The following UPF1 variants were observed in gnomAD, a reference collection of about 807,000 sequenced individuals.
The protein encoded by UPF1 is UPF1 RNA helicase and ATPase, also known as regulator of nonsense transcripts 1.
In UPF1, 9 loss-of-function variants were observed where a neutral mutation model predicts 129.2. The ratio of observed to expected loss-of-function variants is 0.07; its 90% CI spans 0.04 to 0.12. The LOEUF is 0.12. Among genes scored for constraint, UPF1 ranks in the 10% least tolerant of loss-of-function variants. The pLI is 1.00. For synonymous variants in UPF1, 649 were observed against 644.9 expected, an observed-to-expected ratio of 1.01 and a Z score of -0.10; for missense variants, 788 against 1,525.3, an observed-to-expected ratio of 0.52 and a Z score of 8.05.
Position 18,865,845 on chromosome 19 carries a change from C to T in UPF1, c.3237+67C>T. The stretch of plus-strand genomic sequence containing the variant: ...GGGCTATGCACCTGAAACATTCCCT[C>T]TGAAGAGCCCCAGAGAGCTGGCCTG... On this transcript the variant is annotated intron_variant, in intron 22 of 23. Transcript: ENST00000262803. This position sits in a 1 kb window ranked among gnomAD's most constrained non-coding sequence, Gnocchi z 6.1. 1 of 1,599,290 alleles carries T rather than the reference C, an allele frequency of 6.3e-7. No homozygotes were observed. The highest frequency in any genetic ancestry group is 8.5e-7 in the Non-Finnish European group (1 of 1,174,614).
At chr19:18,852,960 C>A in intron 6 of UPF1, 27 bp from the exon 7 acceptor site, 1 of 1,599,682 alleles carries the variant, frequency 6.3e-7, no homozygotes, top group Non-Finnish European at 8.6e-7. Context: ...GGAGGCTAAC[C>A]GGGGCTCTTG....
At chr19:18,860,215 C>T in intron 15 of UPF1, 106 bp from the exon 16 acceptor site, 1 of 1,210,348 alleles carries the variant, frequency 8.3e-7, no homozygotes, top group African/African-American at 1.5e-5. Context: ...GTCTCCTGCC[C>T]CAGGACCTGC....
chr19:18,864,320 C>A, intron 20 of UPF1, 69 bp downstream of exon 20: 2 of 1,443,874 alleles, frequency 1.4e-6, no homozygotes, highest in Non-Finnish European at 1.9e-6. Context: ...GTTCCCATGG[C>A]TGCAGCTTTA....
At chr19:18,864,088 C>A (rs2055812043) in intron 19 of UPF1, 82 bp from the exon 20 acceptor site, 2 of 1,261,012 alleles carry the variant, frequency 1.6e-6, no homozygotes, top group East Asian at 2.3e-5. Context: ...TGCATACCTG[C>A]CACCTCCCAG....
intron 16 of UPF1, 44 bp downstream of exon 16, chr19:18,860,482 A>G (rs1300664349): frequency 2.5e-6 from 4 of 1,584,330 alleles, no homozygotes; most frequent in African/African-American, 1.3e-5. Flanking sequence ...TCTTGGGGAC[A>G]GCTTGAGAGG....
chr19:18,866,191 G>T, intron 23 of UPF1, 25 bp downstream of exon 23: 1 of 1,553,122 alleles, frequency 6.4e-7, no homozygotes, highest in Non-Finnish European at 8.7e-7. Context: ...AGCAGGCCTG[G>T]CCCCACCCCA....
chr19:18,864,275 G>C, intron 20 of UPF1, 24 bp downstream of exon 20: 1 of 1,598,166 alleles, frequency 6.3e-7, no homozygotes, highest in East Asian at 2.3e-5. Context: ...CAGGGGACCT[G>C]GCCGACCCCT....
At chr19:18,862,183 G>A (rs779342425) in intron 18 of UPF1, 31 bp downstream of exon 18, 1 of 1,607,912 alleles carries the variant, frequency 6.2e-7, no homozygotes, top group South Asian at 1.1e-5. Context: ...ATGCTGCCCA[G>A]CCGCTCATCG....
chr19:18,852,378 T>G, intron 6 of UPF1, 82 bp downstream of exon 6: 1 of 1,566,582 alleles, frequency 6.4e-7, no homozygotes, highest in Non-Finnish European at 8.6e-7. Context: ...GGAGGTTTTC[T>G]CTCCAGGCTG....
chr19:18,843,719 G>T (rs1439211267), intron 1 of UPF1, among the ~76,000 whole-genome samples: 4 of 67,220 alleles, frequency 6.0e-5, no homozygotes, highest in South Asian at 3.8e-4. Context: ...GGCCAGGCTT[G>T]TGTGTGTGTG....
At chr19:18,861,214 A>G (rs1053335458) in intron 17 of UPF1, among the ~76,000 whole-genome samples, 9 of 152,268 alleles carry the variant, frequency 5.9e-5, no homozygotes, top group Non-Finnish European at 1.0e-4. Flanking sequence ...AGGGATCAGA[A>G]ACATGGGCTG....
In UPF1 at chr19:18,832,395, G is replaced by A. The variant is rs2055436680; in HGVS notation, c.186G>A (p.Pro62=). The change falls in exon 1 of 24, where the codon CCG becomes CCA. Residue 62 remains proline, a synonymous_variant. Transcript: ENST00000262803. The surrounding 1 kb of genome is among the most constrained non-coding windows in gnomAD (Gnocchi z 5.6). ...GGPGGGGAGG[P]GGAGAGAAAG... ...CGGGCGGTGGCGGCGCGGGAGGCCC[G>A]GGCGGCGCGGGCGCGGGCGCTGCGG... 1 of 1,028,338 alleles carries A rather than the reference G, an allele frequency of 9.7e-7. No individual in the cohort carries two copies. The highest frequency in any genetic ancestry group is 1.2e-6 in the Non-Finnish European group (1 of 858,470). 63.7% of individuals were successfully genotyped at this position (1,028,338 alleles called of 1,614,324 possible). A position where few individuals can be genotyped will look rare whatever the true frequency, so the allele number is the denominator to read the frequency against.
intron 15 of UPF1, among the ~76,000 whole-genome samples, 188 bp downstream of exon 15, chr19:18,857,721 A>C (rs550516081): frequency 6.6e-6 from 1 of 152,326 alleles, no homozygotes; most frequent in African/African-American, 2.4e-5. Context: ...TCTCTGGGGC[A>C]TGTGGGGAGC....
At position 18,845,962 on chromosome 19, in the gene UPF1, C is replaced by T; in HGVS notation, c.232-18C>T. The T allele has an allele frequency of 6.2e-7, 1 of 1,613,168 alleles. No individual in the cohort carries two copies. The highest frequency in any genetic ancestry group is 8.5e-7 in the Non-Finnish European group (1 of 1,179,806). On this transcript the variant is annotated intron_variant, in intron 1 of 23. Coordinates refer to ENST00000262803, the MANE Select transcript of UPF1 (RefSeq NM_002911.4). ...GGAAGCTGCAGCCTCACTCAGGTGA[C>T]ACTGCGTTCTGCTGCAGGTTGGGCC... is the stretch of plus-strand genomic sequence containing the variant.
Position 18,850,600 on chromosome 19 carries a change from G to T in UPF1, c.630-88G>T. 1 of 1,415,794 alleles carries T rather than the reference G, an allele frequency of 7.1e-7. No individual in the cohort carries two copies. Among genetic ancestry groups the T allele is most frequent in the South Asian group, 1.5e-5 (1 of 68,256 alleles). 87.7% of individuals were successfully genotyped at this position (1,415,794 alleles called of 1,614,324 possible). ...ATAAAATGCAGGGCATGCCCCTTTG[G>T]GTGAAAGGTCAGCATGGGAGGGGGC... On this transcript the variant is annotated intron_variant, in intron 4 of 23. Coordinates refer to ENST00000262803, the MANE Select transcript of UPF1 (RefSeq NM_002911.4). The surrounding 1 kb of genome is among the most constrained non-coding windows in gnomAD (Gnocchi z 7.1).
chr19:18,843,000 A>T (rs1460780818), intron 1 of UPF1, among the ~76,000 whole-genome samples: 1 of 152,076 alleles, frequency 6.6e-6, no homozygotes, highest in East Asian at 1.9e-4. Flanking sequence ...AAAAAAAAAA[A>T]ATTTAAATAG....
chr19:18,864,203 G>A lies in UPF1; in HGVS notation c.2809G>A (p.Ala937Thr). The change falls in exon 20 of 24, where the codon GCC becomes ACC. Residue 937 changes from alanine to threonine, a missense_variant. Physicochemically the swap from Ala to Thr is moderately conservative, Grantham distance 58. Coordinates refer to ENST00000262803, the MANE Select transcript of UPF1 (RefSeq NM_002911.4). Reference sequence around the variant, plus strand: ...CTTCATGACCACAGCCATGTATGATGCCCGGGAGGCCATCATCCCAGGCTC... The same window carrying A: ...CTTCATGACCACAGCCATGTATGATACCCGGGAGGCCATCATCCCAGGCTC... The part of the protein sequence containing the change: ...ARFMTTAMYD[A>T]REAIIPGSVY... The A allele has an allele frequency of 6.2e-7, 1 of 1,613,880 alleles. No homozygotes were observed. The highest frequency in any genetic ancestry group is 8.5e-7 in the Non-Finnish European group (1 of 1,179,862).
chr19:18,857,897 C>T (rs2145962138), intron 15 of UPF1, among the ~76,000 whole-genome samples: 1 of 152,328 alleles, frequency 6.6e-6, no homozygotes, highest in East Asian at 1.9e-4. Context: ...GGCCTGGGCC[C>T]CTGGGGCCCG....
At position 18,863,441 on chromosome 19, in the gene UPF1, T is replaced by C; in HGVS notation, c.2604T>C (p.Tyr868=). 1 of 1,613,098 alleles carries C rather than the reference T, an allele frequency of 6.2e-7. No individual in the cohort carries two copies. The highest frequency in any genetic ancestry group is 8.5e-7 in the Non-Finnish European group (1 of 1,179,234). Residue 868 remains tyrosine, a synonymous_variant, in exon 19 of 24, where the codon TAT becomes TAC. Transcript: ENST00000262803. ...CAGCACTGCGCCCTTGTTGCAGGTA[T>C]GGCGTCATCATTGTGGGCAACCCGA... ...RLNVALTRAR[Y]GVIIVGNPKA...
Sources: allele counts gnomAD v4.1 joint callset (sites outside exome capture counted in the v4.1 genomes callset), GRCh38; gene constraint gnomAD v4.1.1; non-coding constraint Gnocchi (gnomAD v3.1); transcripts MANE v1.5; gene names NCBI Gene and HGNC (gene_info 2026-07-23, HGNC 2026-07-21).